Variants in AMPH observed in about 807,000 individuals in gnomAD.
The protein encoded by AMPH is amphiphysin (Stiff-Mann syndrome with breast cancer 128kD autoantigen).
A neutral mutation model predicts 99.1 loss-of-function variants in AMPH; 49 were observed. That is an observed-to-expected ratio of 0.49 (90% confidence interval 0.39 to 0.63). The LOEUF (loss-of-function observed/expected upper bound fraction) is 0.63, where lower values mean the gene tolerates loss of function less well. Ranked by LOEUF, AMPH falls within the 20% of genes least tolerant of loss-of-function variation. AMPH has a pLI of 0.00. For synonymous variants in AMPH, 314 were observed against 317.3 expected, an observed-to-expected ratio of 0.99 and a Z score of 0.11; for missense variants, 759 against 863.4, an observed-to-expected ratio of 0.88 and a Z score of 1.52.
At chr7:38,493,849 A>G (rs1562789883) in intron 4 of AMPH, among the ~76,000 whole-genome samples, 2 of 152,216 alleles carry the variant, frequency 1.3e-5, no homozygotes. Context: ...TCTGCTAGAA[A>G]TGGGCTGTTA....
rs184618182 is a variant in AMPH at position 38,431,424 on chromosome 7, G to A, written c.1158+765C>T. On this transcript the variant is annotated intron_variant, in intron 13 of 20. Coordinates refer to ENST00000356264, the MANE Select transcript of AMPH (RefSeq NM_001635.4). ...TGTAATCCCAGCACTTTGGGAGGCC[G>A]AGGCGGGCAGATCACAAGGTCAGCA... 7.4e-4 allele frequency among the ~76,000 whole-genome samples: 112 copies of A among 152,232 alleles called. 1 individual carries two copies. The highest frequency in any genetic ancestry group is 1.9e-3 in the South Asian group (9 of 4,820).
intron 14 of AMPH, chr7:38,429,194 T>G (rs1361891674): frequency 1.1e-5 from 14 of 1,289,708 alleles, no homozygotes; most frequent in Non-Finnish European, 1.1e-5. Flanking sequence ...CTGAGTCAAG[T>G]GGGTCATACA....
chr7:38,438,968 C>T (rs535018572), intron 11 of AMPH, among the ~76,000 whole-genome samples: 8 of 152,058 alleles, frequency 5.3e-5, no homozygotes, highest in Non-Finnish European at 1.2e-4. Flanking sequence ...GATTGTAATC[C>T]CCATGTTTGG....
At chr7:38,578,357 A>T (rs1792322452) in intron 1 of AMPH, among the ~76,000 whole-genome samples, 1 of 152,228 alleles carries the variant, frequency 6.6e-6, no homozygotes, top group Non-Finnish European at 1.5e-5. Flanking sequence ...AATATTTGGG[A>T]AATACATGTG....
At chr7:38,561,195 TA>T (rs1395829519) in intron 1 of AMPH, among the ~76,000 whole-genome samples, 1 of 152,198 alleles carries the variant, frequency 6.6e-6, no homozygotes, top group African/African-American at 2.4e-5. Flanking sequence ...ACCTCTCCTA[TA>T]TTCATCTTTC....
chr7:38,499,865 G>C (rs945779960), intron 3 of AMPH, among the ~76,000 whole-genome samples: 1 of 152,148 alleles, frequency 6.6e-6, no homozygotes, highest in African/African-American at 2.4e-5. Context: ...AGTCTCATGA[G>C]ATCTGATGGT....
At chr7:38,465,700 T>C (rs1787625967) in intron 8 of AMPH, 151 bp from the exon 9 acceptor site, 2 of 653,682 alleles carry the variant, frequency 3.1e-6, no homozygotes, top group Non-Finnish European at 5.2e-6. Flanking sequence ...CTGTATACGG[T>C]TCAAATTTAA....
In AMPH at chr7:38,571,161, ATTTT is replaced by A. The variant is rs1171239030; in HGVS notation, c.70-36154_70-36151del. On this transcript the variant is annotated intron_variant, in intron 1 of 20. Transcript: ENST00000356264. ...TTTTTATATATTTATGAATATATATATTTTTATATATTTTTATATATGAATATAT... is the reference window on the plus strand; with the variant it reads ...TTTTTATATATTTATGAATATATATATATATATTTTTATATATGAATATAT... 3.0e-4 allele frequency among the ~76,000 whole-genome samples: 27 copies of A among 90,052 alleles called. 4 individuals are homozygous for A. The highest frequency in any genetic ancestry group is 4.7e-4 in the Non-Finnish European group (24 of 51,392). 59.1% of individuals were successfully genotyped at this position (90,052 alleles called of 152,430 possible).
At chr7:38,496,078 G>A (rs1258594429) in intron 3 of AMPH, among the ~76,000 whole-genome samples, 1 of 152,188 alleles carries the variant, frequency 6.6e-6, no homozygotes, top group East Asian at 1.9e-4. Flanking sequence ...ATAAAAGGGG[G>A]CTGGAAACAG....
Position 38,431,201 on chromosome 7 carries a change from A to T in AMPH, c.1158+988T>A, listed in dbSNP as rs376920149. The stretch of plus-strand genomic sequence containing the variant: ...AGTAGTTATCCTTACACATCAGATT[A>T]GCTGAAAAAACATCAGTAATAACAT... On this transcript the variant is annotated intron_variant, in intron 13 of 20. Coordinates refer to ENST00000356264, the MANE Select transcript of AMPH (RefSeq NM_001635.4). Among the ~76,000 whole-genome samples the T allele has an allele frequency of 1.1e-4, 16 of 152,374 alleles. 1 individual carries two copies. The highest frequency in any genetic ancestry group is 3.8e-4 in the African/African-American group (16 of 41,590).
chr7:38,584,505 C>T (rs906754756), intron 1 of AMPH, among the ~76,000 whole-genome samples: 15 of 152,206 alleles, frequency 9.9e-5, no homozygotes, highest in Non-Finnish European at 2.2e-4. Context: ...CCGTCCTTTT[C>T]TGACAATGCC....
intron 5 of AMPH, among the ~76,000 whole-genome samples, chr7:38,477,975 C>T (rs1055613511): frequency 1.3e-5 from 2 of 152,100 alleles, no homozygotes; most frequent in African/African-American, 4.8e-5. Context: ...ACTGCTCCAA[C>T]TTGGGCAGGG....
chr7:38,571,382 A>G (rs1792015973), intron 1 of AMPH, among the ~76,000 whole-genome samples: 1 of 84,156 alleles, frequency 1.2e-5, no homozygotes, highest in East Asian at 2.7e-4. Flanking sequence ...ATTTTTATAT[A>G]TTTATATATA....
At chr7:38,490,928 G>A in intron 5 of AMPH, 122 bp downstream of exon 5, 1 of 626,738 alleles carries the variant, frequency 1.6e-6, no homozygotes, top group Non-Finnish European at 2.8e-6. Context: ...TTAAATAAAT[G>A]AAAAGTTACC....
At chr7:38,523,589 G>A (rs565341557) in intron 2 of AMPH, among the ~76,000 whole-genome samples, 24 of 152,226 alleles carry the variant, frequency 1.6e-4, no homozygotes, top group Non-Finnish European at 2.5e-4. Context: ...ATAACCCAGT[G>A]AATAACATAG....
intron 2 of AMPH, among the ~76,000 whole-genome samples, chr7:38,525,980 T>G (rs1790171179): frequency 6.6e-6 from 1 of 152,182 alleles, no homozygotes; most frequent in African/African-American, 2.4e-5. Context: ...GTGCAGTTTT[T>G]GGGTTGTATG....
chr7:38,437,639 A>AAAAAAAAAAAAAG (rs765494380), intron 11 of AMPH, among the ~76,000 whole-genome samples: 3 of 96,738 alleles, frequency 3.1e-5, no homozygotes, highest in Admixed American at 1.3e-4. Flanking sequence ...AAAAAAAAAA[A>AAAAAAAAAAAAAG]AAAAGAAAAG....
intron 11 of AMPH, among the ~76,000 whole-genome samples, chr7:38,456,474 C>T (rs1787239133): frequency 1.3e-5 from 2 of 152,210 alleles, no homozygotes; most frequent in Admixed American, 6.5e-5. Context: ...TGGAAATCTC[C>T]CAGCCCAGTC....
intron 17 of AMPH, among the ~76,000 whole-genome samples, chr7:38,408,776 C>A (rs1451587565): frequency 2.0e-5 from 3 of 150,610 alleles, no homozygotes; most frequent in East Asian, 3.9e-4. Flanking sequence ...AAAAGAATTT[C>A]TCTACATTAC....
Sources: allele counts gnomAD v4.1 joint callset (sites outside exome capture counted in the v4.1 genomes callset), GRCh38; gene constraint gnomAD v4.1.1; transcripts MANE v1.5; gene names NCBI Gene and HGNC (gene_info 2026-07-23, HGNC 2026-07-21).